Variants in CNTN5 observed in about 807,000 individuals in gnomAD.
The protein encoded by CNTN5 is contactin-5.
In CNTN5, 77 loss-of-function variants were observed where a neutral mutation model predicts 129.1. The observed-to-expected ratio is 0.60, with a 90% CI of 0.50 to 0.72. The LOEUF (loss-of-function observed/expected upper bound fraction) is 0.72. Ranked by LOEUF, CNTN5 falls within the 30% of genes least tolerant of loss-of-function variation. CNTN5 has a pLI of 0.00. For synonymous variants in CNTN5, 509 were observed against 465.6 expected, an observed-to-expected ratio of 1.09 and a Z score of -1.20; for missense variants, 1,478 against 1,328.8, an observed-to-expected ratio of 1.11 and a Z score of -1.75.
chr11:99,528,213 G>A (rs1947561907), intron 2 of CNTN5, among the ~76,000 whole-genome samples: 1 of 152,094 alleles, frequency 6.6e-6, no homozygotes, highest in Non-Finnish European at 1.5e-5. Context: ...CATATTTAAA[G>A]AGGAATTATT....
At chr11:100,183,450 C>G (rs1336459420) in intron 13 of CNTN5, among the ~76,000 whole-genome samples, 1 of 152,022 alleles carries the variant, frequency 6.6e-6, no homozygotes, top group Non-Finnish European at 1.5e-5. Context: ...ATAATTGGAG[C>G]CCCAGGGCTG....
At chr11:99,133,820 T>G (rs1352330369) in intron 1 of CNTN5, among the ~76,000 whole-genome samples, 2 of 152,106 alleles carry the variant, frequency 1.3e-5, no homozygotes, top group Non-Finnish European at 2.9e-5. Context: ...CAATGTAAAA[T>G]AGTTCGACCA....
chr11:99,311,221 C>T (rs1387102422), intron 1 of CNTN5, among the ~76,000 whole-genome samples: 1 of 152,148 alleles, frequency 6.6e-6, no homozygotes, highest in African/African-American at 2.4e-5. Context: ...GCCACCGCAC[C>T]CAGCCTGATT....
intron 2 of CNTN5, among the ~76,000 whole-genome samples, chr11:99,506,650 G>C (rs1466297477): frequency 6.6e-6 from 1 of 152,060 alleles, no homozygotes; most frequent in Non-Finnish European, 1.5e-5. Context: ...CATTTTACTT[G>C]TAAATAAGTA....
At chr11:100,080,622 A>T (rs1159092518) in intron 13 of CNTN5, among the ~76,000 whole-genome samples, 1 of 152,144 alleles carries the variant, frequency 6.6e-6, no homozygotes, top group African/African-American at 2.4e-5. Flanking sequence ...CATGGGTATA[A>T]TTAGGGCCCT....
At chr11:99,037,587 T>C (rs2135122683) in intron 1 of CNTN5, among the ~76,000 whole-genome samples, 1 of 147,386 alleles carries the variant, frequency 6.8e-6, no homozygotes, top group African/African-American at 2.5e-5. Flanking sequence ...TTTTTTTTTT[T>C]TTTTTTTTTT....
At chr11:99,997,843 G>A (rs979227848) in intron 8 of CNTN5, among the ~76,000 whole-genome samples, 7 of 152,256 alleles carry the variant, frequency 4.6e-5, no homozygotes, top group African/African-American at 1.7e-4. Flanking sequence ...ATGCAAGGCT[G>A]ATTCAATATA....
intron 3 of CNTN5, among the ~76,000 whole-genome samples, chr11:99,792,587 G>T (rs1201797582): frequency 1.3e-5 from 2 of 149,868 alleles, no homozygotes; most frequent in African/African-American, 4.9e-5. Context: ...CTGTCTGTCT[G>T]TCTGTCTGTC....
chr11:99,711,910 T>G (rs1955006567), intron 3 of CNTN5, among the ~76,000 whole-genome samples: 1 of 152,112 alleles, frequency 6.6e-6, no homozygotes, highest in South Asian at 2.1e-4. Flanking sequence ...GTTCCAAGTC[T>G]TTGCTATTGT....
chr11:99,416,246 A>G (rs530168739), intron 2 of CNTN5, among the ~76,000 whole-genome samples: 12 of 152,184 alleles, frequency 7.9e-5, no homozygotes, highest in Admixed American at 4.6e-4. Flanking sequence ...TTCAACATAT[A>G]TTATCTAAAC....
At chr11:99,313,157 T>C (rs181972605) in intron 1 of CNTN5, among the ~76,000 whole-genome samples, 7 of 151,998 alleles carry the variant, frequency 4.6e-5, no homozygotes, top group Admixed American at 3.9e-4. Flanking sequence ...GATAATATAT[T>C]CAATGAATAG....
chr11:99,699,801 T>C (rs1954439356), intron 3 of CNTN5, among the ~76,000 whole-genome samples: 1 of 151,440 alleles, frequency 6.6e-6, no homozygotes. Context: ...CTTATTCCTG[T>C]GGCCTTTATT....
chr11:99,639,775 G>C (rs960139710), intron 3 of CNTN5, among the ~76,000 whole-genome samples: 1 of 151,798 alleles, frequency 6.6e-6, no homozygotes, highest in African/African-American at 2.4e-5. Flanking sequence ...TGTTGGTCAG[G>C]CTGGTCTGAA....
At chr11:99,919,921 C>T (rs1949893890) in intron 7 of CNTN5, among the ~76,000 whole-genome samples, 1 of 151,710 alleles carries the variant, frequency 6.6e-6, no homozygotes. Context: ...TCCCAAAGTG[C>T]TGGGATTATA....
At chr11:99,139,164 G>A (rs924639358) in intron 1 of CNTN5, among the ~76,000 whole-genome samples, 1 of 149,604 alleles carries the variant, frequency 6.7e-6, no homozygotes, top group East Asian at 2.0e-4. Context: ...CTACTCAGGA[G>A]GCTGAGGTGG....
At chr11:99,575,739 C>A (rs1949324438) in intron 3 of CNTN5, among the ~76,000 whole-genome samples, 1 of 152,176 alleles carries the variant, frequency 6.6e-6, no homozygotes. Context: ...AGTAGCCAGG[C>A]ATGACCCTTA....
chr11:99,981,103 T>TACAC (rs1555171291), intron 8 of CNTN5, among the ~76,000 whole-genome samples: 1 of 54,500 alleles, frequency 1.8e-5, no homozygotes, highest in African/African-American at 9.5e-5. Flanking sequence ...TATATATATA[T>TACAC]ACACACACAC....
At chr11:99,262,802 A>G (rs987234294) in intron 1 of CNTN5, among the ~76,000 whole-genome samples, 3 of 152,018 alleles carry the variant, frequency 2.0e-5, no homozygotes, top group South Asian at 2.1e-4. Flanking sequence ...GCATTTCTTC[A>G]TATTTATGAG....
At chr11:99,974,041 G>A (rs1370917236) in intron 8 of CNTN5, among the ~76,000 whole-genome samples, 4 of 152,102 alleles carry the variant, frequency 2.6e-5, no homozygotes, top group South Asian at 4.1e-4. Flanking sequence ...ATTTTATAAC[G>A]CTCATCTTTG....
Sources: gnomAD v4.1 joint callset for allele counts (sites outside exome capture counted in the v4.1 genomes callset) on GRCh38, gnomAD v4.1.1 for gene constraint, MANE v1.5 for transcripts, NCBI Gene and HGNC (gene_info 2026-07-23, HGNC 2026-07-21) for gene names.